Variants in LRP12 observed in about 807,000 individuals in gnomAD.
LRP12 encodes low-density lipoprotein receptor-related protein 12.
In LRP12, 14 loss-of-function variants were observed where a neutral mutation model predicts 66.0. The observed-to-expected ratio is 0.21, with a 90% CI of 0.14 to 0.33. The LOEUF (loss-of-function observed/expected upper bound fraction) is 0.33, where lower values mean the gene tolerates loss of function less well. Ranked by LOEUF, LRP12 falls within the 10% of genes least tolerant of loss-of-function variation. The probability of loss-of-function intolerance (pLI) is 1.00; values close to 1 mark genes in which losing one functional copy is unlikely to be tolerated. For missense variants in LRP12, 889 were observed against 1,053.4 expected, an observed-to-expected ratio of 0.84 and a Z score of 2.16; for synonymous variants, 357 against 359.1, an observed-to-expected ratio of 0.99 and a Z score of 0.07.
intron 1 of LRP12, among the ~76,000 whole-genome samples, chr8:104,547,825 T>C (rs1402490176): frequency 1.6e-5 from 2 of 124,346 alleles, no homozygotes; most frequent in Non-Finnish European, 1.6e-5. Flanking sequence ...ATATACTTTG[T>C]ATATAATATA....
Position 104,490,691 on chromosome 8 carries a change from C to T in LRP12, c.2562G>A (p.Glu854=), listed in dbSNP as rs755798527. The change falls in exon 7 of 7, where the codon GAG becomes GAA. Residue 854 remains glutamate, a synonymous_variant. Transcript: ENST00000276654. Reference sequence around the variant, plus strand: ...TTCGTACCTAACAAAGTAACAAAGCCTCATCATCACTCGTTTCGTTTTTCA... The same window carrying T: ...TTCGTACCTAACAAAGTAACAAAGCTTCATCATCACTCGTTTCGTTTTTCA... The part of the protein sequence containing the change: ...VTLKNETSDD[E]ALLLC The T allele has an allele frequency of 1.2e-6, 2 of 1,611,982 alleles. No individual in the cohort carries two copies. The highest frequency in any genetic ancestry group is 1.7e-6 in the Non-Finnish European group (2 of 1,179,188).
At chr8:104,513,016 A>G (rs116453954) in intron 2 of LRP12, among the ~76,000 whole-genome samples, 4,653 of 152,250 alleles carry the variant, frequency 0.031, 237 homozygotes, top group African/African-American at 0.11. Flanking sequence ...CACATTTCCA[A>G]CATGACTGAA....
intron 1 of LRP12, among the ~76,000 whole-genome samples, chr8:104,539,621 C>T (rs1811443644): frequency 1.3e-5 from 2 of 151,906 alleles, no homozygotes; most frequent in African/African-American, 4.8e-5. Flanking sequence ...ATATCATAAG[C>T]ATTGTTTTAT....
intron 1 of LRP12, among the ~76,000 whole-genome samples, chr8:104,587,558 C>T (rs1478177736): frequency 6.6e-6 from 1 of 152,162 alleles, no homozygotes; most frequent in Non-Finnish European, 1.5e-5. Flanking sequence ...GCAACACATC[C>T]TTAATTGTAC....
chr8:104,589,224 C>A lies in LRP12; in HGVS notation c.-327G>T, dbSNP rs1026452619. Among the ~76,000 whole-genome samples, 2 of 151,554 alleles carry A rather than the reference C, an allele frequency of 1.3e-5. No homozygotes were observed. Among genetic ancestry groups the A allele is most frequent in the African/African-American group, 4.8e-5 (2 of 41,328 alleles). On this transcript the variant is annotated 5_prime_UTR_variant, in exon 1 of 7. Transcript: ENST00000276654. Reference sequence around the variant, plus strand: ...CGGACGCCGGACTCCGGCCTCGCGCCGCTCGGGCTAGCCGGCGCCGCCACT... The same window carrying A: ...CGGACGCCGGACTCCGGCCTCGCGCAGCTCGGGCTAGCCGGCGCCGCCACT...
At chr8:104,562,570 T>G (rs1478373324) in intron 1 of LRP12, among the ~76,000 whole-genome samples, 1 of 152,188 alleles carries the variant, frequency 6.6e-6, no homozygotes, top group Non-Finnish European at 1.5e-5. Context: ...CATTTTATTT[T>G]TATGTCTTTA....
intron 1 of LRP12, among the ~76,000 whole-genome samples, chr8:104,585,220 A>C (rs1812310871): frequency 6.6e-6 from 1 of 151,562 alleles, no homozygotes; most frequent in Non-Finnish European, 1.5e-5. Context: ...ATTCTAAATT[A>C]CATTTATTTA....
intron 1 of LRP12, among the ~76,000 whole-genome samples, chr8:104,587,634 C>T (rs775922444): frequency 5.3e-5 from 8 of 152,208 alleles, no homozygotes; most frequent in Non-Finnish European, 1.0e-4. Context: ...TTTAGCGTCA[C>T]TTGCCAGGTT....
intron 1 of LRP12, among the ~76,000 whole-genome samples, chr8:104,563,724 T>A (rs1017231211): frequency 6.6e-6 from 1 of 152,076 alleles, no homozygotes; most frequent in Non-Finnish European, 1.5e-5. Context: ...TCTTTTGCCA[T>A]GTGAGGACAC....
chr8:104,522,746 C>T (rs1388782722), intron 2 of LRP12, among the ~76,000 whole-genome samples: 3 of 152,038 alleles, frequency 2.0e-5, no homozygotes, highest in Non-Finnish European at 2.9e-5. Context: ...TTATAAACTT[C>T]AGGCTAGTTT....
At chr8:104,530,436 C>T (rs1045419764) in intron 2 of LRP12, among the ~76,000 whole-genome samples, 1 of 152,142 alleles carries the variant, frequency 6.6e-6, no homozygotes, top group Non-Finnish European at 1.5e-5. Context: ...CTTGCTTTCT[C>T]TGAACATTCA....
At chr8:104,564,208 T>G (rs74569440) in intron 1 of LRP12, among the ~76,000 whole-genome samples, 1 of 152,290 alleles carries the variant, frequency 6.6e-6, no homozygotes, top group African/African-American at 2.4e-5. Context: ...ATATATCACA[T>G]ACATCACAGA....
At position 104,589,023 on chromosome 8, in the gene LRP12, C is replaced by T; in HGVS notation, c.-126G>A. The T allele has an allele frequency of 3.7e-6, 2 of 540,028 alleles. No homozygotes were observed. The highest frequency in any genetic ancestry group is 5.8e-6 in the Non-Finnish European group (2 of 345,596). 33.5% of individuals were successfully genotyped at this position (540,028 alleles called of 1,614,324 possible). On this transcript the variant is annotated 5_prime_UTR_variant, in exon 1 of 7. Transcript: ENST00000276654. ...CGAGCCACCGGCTGCTCCCTGCGCT[C>T]TCCGCGGCTGCGGGAGGGGGAAGGG...
intron 1 of LRP12, among the ~76,000 whole-genome samples, chr8:104,558,824 G>T (rs574332493): frequency 5.3e-5 from 8 of 151,076 alleles, no homozygotes; most frequent in African/African-American, 1.9e-4. Flanking sequence ...CTTTAAAGAA[G>T]ATATACAAAT....
chr8:104,548,211 ATAT>A (rs1246973368), intron 1 of LRP12, among the ~76,000 whole-genome samples: 4 of 103,482 alleles, frequency 3.9e-5, no homozygotes, highest in South Asian at 5.2e-4. Flanking sequence ...TGATATATTT[ATAT>A]TAATATATGA....
chr8:104,569,529 T>C (rs1812049074), intron 1 of LRP12, among the ~76,000 whole-genome samples: 1 of 152,078 alleles, frequency 6.6e-6, no homozygotes, highest in Admixed American at 6.5e-5. Context: ...TCCATTATAC[T>C]AACAGTCAAA....
In LRP12 at chr8:104,514,903, C is replaced by G. The variant is rs146599906; in HGVS notation, c.137-5829G>C. 3.2e-3 allele frequency among the ~76,000 whole-genome samples: 493 copies of G among 152,194 alleles called. 4 individuals are homozygous for G. The highest frequency in any genetic ancestry group is 0.011 in the African/African-American group (463 of 41,532). Reference sequence around the variant, plus strand: ...CTGGTTGGTAGTAATGCCTGGAATGCTGTATTGAGATGGCTACTAAGGCTG... The same window carrying G: ...CTGGTTGGTAGTAATGCCTGGAATGGTGTATTGAGATGGCTACTAAGGCTG... On this transcript the variant is annotated intron_variant, in intron 2 of 6. Transcript: ENST00000276654.
intron 2 of LRP12, among the ~76,000 whole-genome samples, chr8:104,529,391 C>T (rs1164282353): frequency 1.3e-5 from 2 of 151,816 alleles, no homozygotes; most frequent in African/African-American, 2.4e-5. Flanking sequence ...TTATGGTAGC[C>T]CTAGAAAACT....
At chr8:104,588,724 G>T in intron 1 of LRP12, 95 bp downstream of exon 1, 1 of 1,027,814 alleles carries the variant, frequency 9.7e-7, no homozygotes, top group East Asian at 2.8e-5. Flanking sequence ...GGGTCTCCGC[G>T]GGAGTCTCCA....
Sources: gnomAD v4.1 joint callset for allele counts (sites outside exome capture counted in the v4.1 genomes callset) on GRCh38, gnomAD v4.1.1 for gene constraint, MANE v1.5 for transcripts, NCBI Gene and HGNC (gene_info 2026-07-23, HGNC 2026-07-21) for gene names.